Variants in CANX observed in about 807,000 individuals in gnomAD.
CANX encodes epididymis secretory sperm binding protein.
A neutral mutation model predicts 75.7 loss-of-function variants in CANX; 14 were observed. The ratio of observed to expected loss-of-function variants is 0.19; its 90% confidence interval spans 0.12 to 0.29. The LOEUF (loss-of-function observed/expected upper bound fraction) is 0.29, where lower values mean the gene tolerates loss of function less well. CANX is among the 10% of genes least tolerant of loss of function. The pLI is 1.00. For synonymous variants in CANX, 227 were observed against 236.9 expected (o/e 0.96, Z 0.38); for missense variants, 567 against 713.2 (o/e 0.79, Z 2.34).
At position 179,678,919 on chromosome 5, in the gene CANX, G is replaced by C; in HGVS notation, c.-4+142G>C. 2.6e-6 allele frequency: 4 copies of C among 1,535,210 alleles called. No homozygotes were observed. The South Asian group carries it at 3.6e-5, about 14-fold the overall frequency. On this transcript the variant is annotated intron_variant, in intron 1 of 14. Coordinates refer to the CANX transcript ENST00000681674. ...TCCACCGCCCGCCGCGGAACACGAA[G>C]GCCTGGTTGCTGAGGCGCATGCACG...
intron 12 of CANX, 71 bp downstream of exon 12, chr5:179,723,850 A>G: frequency 7.2e-7 from 1 of 1,386,816 alleles, no homozygotes; most frequent in South Asian, 1.3e-5. Flanking sequence ...TAACTAAGAT[A>G]TGTTGCCTGA....
chr5:179,715,815 G>GTTT, intron 7 of CANX: 1 of 422,074 alleles, frequency 2.4e-6, no homozygotes, highest in African/African-American at 2.1e-5. Context: ...GTAGTTTCTT[G>GTTT]TTTTTTTTGT....
chr5:179,729,881 T>G lies in CANX; in HGVS notation c.*1237T>G, dbSNP rs922304184. On this transcript the variant is annotated 3_prime_UTR_variant, in exon 15 of 15. Transcript: ENST00000247461. Reference sequence around the variant, plus strand: ...TGACATGAAGCATGAGTTATCTGATTTTTTTTGTAGCTGCTATATATTTTA... The same window carrying G: ...TGACATGAAGCATGAGTTATCTGATGTTTTTTGTAGCTGCTATATATTTTA... 2.0e-5 allele frequency: 3 copies of G among 152,612 alleles called. No homozygotes were observed. Among genetic ancestry groups the G allele is most frequent in the African/African-American group, 7.2e-5 (3 of 41,450 alleles). 9.5% of individuals were successfully genotyped at this position (152,612 alleles called of 1,614,324 possible).
upstream of CANX, chr5:179,694,398 T>C: frequency 1.6e-6 from 1 of 625,684 alleles, no homozygotes. Flanking sequence ...TAAAGTGCAC[T>C]GTGATCGGGA....
intron 1 of CANX, among the ~76,000 whole-genome samples, chr5:179,701,763 T>TTTTTTTTTA (rs1776778449): frequency 7.0e-6 from 1 of 142,918 alleles, no homozygotes; most frequent in African/African-American, 2.6e-5. Context: ...TTTTTTTTTT[T>TTTTTTTTTA]GAGACGGAGT....
chr5:179,719,462 T>C (rs1778168535), intron 8 of CANX, among the ~76,000 whole-genome samples: 1 of 152,244 alleles, frequency 6.6e-6, no homozygotes, highest in Non-Finnish European at 1.5e-5. Flanking sequence ...CATTTTTAAA[T>C]TGGGTTGTCT....
rs770953733 is a variant in CANX, at chr5:179,722,785, G to C, written c.1183-19G>C. ...TGATCATTATCTGAAATGATTTTCT[G>C]AAACATTTTTTTTTCTAGGGAATCT... On this transcript the variant is annotated intron_variant, in intron 10 of 14. Coordinates refer to ENST00000247461, the MANE Select transcript of CANX (RefSeq NM_001746.4). The C allele has an allele frequency of 9.7e-6, 15 of 1,551,142 alleles. No homozygotes were observed. The highest frequency in any genetic ancestry group is 1.3e-5 in the Non-Finnish European group (15 of 1,127,970).
chr5:179,730,459 A>T lies in CANX; in HGVS notation c.*1815A>T, dbSNP rs573725317. 1 of 152,340 alleles carries T rather than the reference A, an allele frequency of 6.6e-6. No homozygotes were observed. Among genetic ancestry groups the T allele is most frequent in the East Asian group, 1.9e-4 (1 of 5,190 alleles). The allele number at this position is 152,340 out of a possible 1,614,324, so 9.4% of individuals were successfully genotyped here. A position where few individuals can be genotyped will look rare whatever the true frequency, so the allele number is the denominator to read the frequency against. ...CAGTTGTTACTTAGCAAGACCTGAAAATATGTCTGCAGGTTTCTCCTTGAA... is the reference window on the plus strand; with the variant it reads ...CAGTTGTTACTTAGCAAGACCTGAATATATGTCTGCAGGTTTCTCCTTGAA... On this transcript the variant is annotated 3_prime_UTR_variant, in exon 15 of 15. Transcript: ENST00000247461.
At chr5:179,704,704 T>TGG (rs1276365867) in intron 1 of CANX, among the ~76,000 whole-genome samples, 1 of 151,916 alleles carries the variant, frequency 6.6e-6, no homozygotes, top group African/African-American at 2.4e-5. Flanking sequence ...GGCATGGTGG[T>TGG]GGGTGCCTGT....
intron 5 of CANX, 54 bp downstream of exon 5, chr5:179,708,434 A>G: frequency 6.7e-7 from 1 of 1,499,804 alleles, no homozygotes; most frequent in Non-Finnish European, 9.1e-7. Flanking sequence ...ATCTTAGAAG[A>G]CATTATGTAA....
At chr5:179,695,407 G>A (rs938129630), upstream of CANX, among the ~76,000 whole-genome samples, 4 of 151,934 alleles carry the variant, frequency 2.6e-5, no homozygotes, top group Non-Finnish European at 5.9e-5. Context: ...TCAGCTCACC[G>A]CATCCTCTGC....
chr5:179,698,303 C>A, upstream of CANX: 2 of 626,960 alleles, frequency 3.2e-6, no homozygotes, highest in Non-Finnish European at 4.1e-6. Context: ...TTCAAATAAC[C>A]TCGGATTATA....
At chr5:179,698,431 C>A (rs1776487153), upstream of CANX, 2 of 1,282,464 alleles carry the variant, frequency 1.6e-6, no homozygotes, top group Admixed American at 2.3e-5. Flanking sequence ...CACGCCAATC[C>A]GGCCAGGCGC....
In CANX at chr5:179,708,400, G is replaced by A. The variant is rs1185531287; in HGVS notation, c.446+20G>A. On this transcript the variant is annotated intron_variant, in intron 5 of 14. Transcript: ENST00000247461. ...TGTTCAGTAAGTGAAATGCTTGTTG[G>A]ATAAAAGCTTTCTGCAAAGGGTAAT... 1.2e-6 allele frequency: 2 copies of A among 1,604,966 alleles called. No individual in the cohort carries two copies. Among genetic ancestry groups the A allele is most frequent in the Non-Finnish European group, 8.5e-7 (1 of 1,173,778 alleles).
chr5:179,696,948 C>T (rs1269719169), upstream of CANX, among the ~76,000 whole-genome samples: 2 of 69,436 alleles, frequency 2.9e-5, no homozygotes, highest in Middle Eastern at 6.6e-3. Flanking sequence ...TTTGGGAATT[C>T]GTATAATATG....
At chr5:179,678,933 G>A in intron 1 of CANX, 1 of 1,535,336 alleles carries the variant, frequency 6.5e-7, no homozygotes, top group Non-Finnish European at 8.7e-7. Context: ...TGGTTGCTGA[G>A]GCGCATGCAC....
chr5:179,695,956 C>T (rs1275627777), upstream of CANX, among the ~76,000 whole-genome samples: 1 of 151,860 alleles, frequency 6.6e-6, no homozygotes, highest in Non-Finnish European at 1.5e-5. Flanking sequence ...TTTTTTTAGA[C>T]AGGGTGTTAC....
intron 4 of CANX, among the ~76,000 whole-genome samples, chr5:179,707,707 T>C (rs1009715711): frequency 4.6e-5 from 7 of 150,812 alleles, no homozygotes; most frequent in Non-Finnish European, 1.5e-5. Flanking sequence ...TTATATTTAA[T>C]AGGATTAGAT....
At chr5:179,681,485 CAG>C (rs992726361) in intron 1 of CANX, among the ~76,000 whole-genome samples, 1 of 152,172 alleles carries the variant, frequency 6.6e-6, no homozygotes, top group Non-Finnish European at 1.5e-5. Context: ...AAGGCTGAGC[CAG>C]AGTGTGGTCT....
Sources: gnomAD v4.1 joint callset for allele counts (sites outside exome capture counted in the v4.1 genomes callset) on GRCh38, gnomAD v4.1.1 for gene constraint, MANE v1.5 for transcripts, NCBI Gene and HGNC (gene_info 2026-07-23, HGNC 2026-07-21) for gene names.